DDX1: variants seen among roughly 807,000 people sequenced by gnomAD.
DDX1 encodes the protein DEAD-box helicase 1, also known as ATP-dependent RNA helicase DDX1.
Under a neutral mutation model 108.7 loss-of-function variants are expected in DDX1, and 28 were observed. The observed-to-expected ratio is 0.26, with a 90% CI of 0.19 to 0.35. The LOEUF (loss-of-function observed/expected upper bound fraction) is 0.35, where lower values mean the gene tolerates loss of function less well. Ranked by LOEUF, DDX1 falls within the 10% of genes least tolerant of loss-of-function variation. The pLI is 1.00. For missense variants in DDX1, 710 were observed against 884.5 expected (o/e 0.80, Z 2.50); for synonymous variants, 295 against 288.9 (o/e 1.02, Z -0.21).
chr2:15,627,028 T>A, intron 19 of DDX1, 26 bp from the exon 20 acceptor site: 1 of 1,508,210 alleles, frequency 6.6e-7, no homozygotes, highest in Non-Finnish European at 9.1e-7. Context: ...TTTCCAAGGT[T>A]AAATGCTTAA....
At chr2:15,613,991 C>T (rs1461688050) in intron 14 of DDX1, among the ~76,000 whole-genome samples, 1 of 152,040 alleles carries the variant, frequency 6.6e-6, no homozygotes, top group Non-Finnish European at 1.5e-5. Flanking sequence ...CACCCGCCAC[C>T]ATGTTGGCTG....
intron 2 of DDX1, 40 bp from the exon 3 acceptor site, chr2:15,595,450 T>G (rs776773411): frequency 6.5e-7 from 1 of 1,546,264 alleles, no homozygotes; most frequent in South Asian, 1.1e-5. Flanking sequence ...GGCGATTTTT[T>G]TCCCCAGTAA....
intron 13 of DDX1, among the ~76,000 whole-genome samples, chr2:15,609,025 T>C (rs1456210865): frequency 3.3e-5 from 5 of 152,230 alleles, no homozygotes; most frequent in Non-Finnish European, 7.3e-5. Context: ...CAATGAAAAT[T>C]AATCTTCCTT....
intron 17 of DDX1, among the ~76,000 whole-genome samples, chr2:15,620,825 A>G (rs1665992525): frequency 6.6e-6 from 1 of 152,142 alleles, no homozygotes. Context: ...TAAATATACA[A>G]TATTTTAGAA....
At position 15,594,108 on chromosome 2, in the gene DDX1, AAG is replaced by A. The variant is rs547136346; in HGVS notation, c.17-1034_17-1033del. On this transcript the variant is annotated intron_variant, in intron 1 of 25. Transcript: ENST00000233084. The stretch of plus-strand genomic sequence containing the variant: ...AACAAAAGAAAAGAAAAAAAAGAAA[AAG>A]AGTTAGGAGAGCCTTCTTTGAAAAT... 3.1e-3 allele frequency among the ~76,000 whole-genome samples: 471 copies of A among 152,044 alleles called. 4 individuals are homozygous for A. Among genetic ancestry groups the A allele is most frequent in the Non-Finnish European group, 4.8e-3 (325 of 67,998 alleles).
chr2:15,628,717 C>T lies in DDX1; in HGVS notation c.1832+7C>T. ...GAGTAGGAAGAGCTGAAAGGTACTT[C>T]TGCAATTTTTTTTCCCCCATTTTTA... On this transcript the variant is annotated splice_region_variant and intron_variant, in intron 22 of 25. Transcript: ENST00000233084. 1 of 1,603,550 alleles carries T rather than the reference C, an allele frequency of 6.2e-7. No individual in the cohort carries two copies. Among genetic ancestry groups the T allele is most frequent in the Non-Finnish European group, 8.5e-7 (1 of 1,178,148 alleles).
chr2:15,602,872 C>G (rs1200140865), intron 7 of DDX1, among the ~76,000 whole-genome samples: 1 of 152,140 alleles, frequency 6.6e-6, no homozygotes, highest in Non-Finnish European at 1.5e-5. Context: ...CACCACCATG[C>G]CTGGCTAATT....
At chr2:15,591,974 T>C in intron 1 of DDX1, 25 bp downstream of exon 1, 1 of 1,400,302 alleles carries the variant, frequency 7.1e-7, no homozygotes, top group Non-Finnish European at 9.3e-7. Context: ...ACTCTGGGGG[T>C]GGTGGGGCGG....
intron 1 of DDX1, 66 bp downstream of exon 1, chr2:15,592,015 C>G (rs1665421309): frequency 1.8e-5 from 24 of 1,315,762 alleles, no homozygotes; most frequent in Non-Finnish European, 2.4e-5. Flanking sequence ...TGGGGCCGCC[C>G]GCGGAGAGCT....
intron 3 of DDX1, among the ~76,000 whole-genome samples, 194 bp from the exon 4 acceptor site, chr2:15,596,540 G>T (rs1441413713): frequency 2.0e-5 from 3 of 152,128 alleles, no homozygotes; most frequent in Non-Finnish European, 2.9e-5. Flanking sequence ...GGGAAGAGAA[G>T]ATTCTTAAGG....
intron 13 of DDX1, among the ~76,000 whole-genome samples, chr2:15,610,786 C>G (rs1258066683): frequency 6.6e-6 from 1 of 152,072 alleles, no homozygotes; most frequent in Non-Finnish European, 1.5e-5. Flanking sequence ...CATTCTCTTT[C>G]GTGACTTTAC....
chr2:15,629,563 T>A (rs757312476), intron 23 of DDX1, 39 bp from the exon 24 acceptor site: 11 of 1,393,954 alleles, frequency 7.9e-6, no homozygotes, highest in Non-Finnish European at 1.0e-6. Context: ...CATGTCTCTA[T>A]CTCCATGCAT....
chr2:15,624,831 A>G (rs577451487), intron 19 of DDX1, among the ~76,000 whole-genome samples: 1 of 152,314 alleles, frequency 6.6e-6, no homozygotes, highest in Non-Finnish European at 1.5e-5. Context: ...GAGCAACTGC[A>G]TACAGTTGTT....
At chr2:15,616,293 G>A (rs147402417) in intron 14 of DDX1, among the ~76,000 whole-genome samples, 1 of 152,114 alleles carries the variant, frequency 6.6e-6, no homozygotes, top group African/African-American at 2.4e-5. Context: ...AACATAACAT[G>A]TTCTTACTCA....
At position 15,623,504 on chromosome 2, in the gene DDX1, A is replaced by T; in HGVS notation, c.1516A>T (p.Met506Leu). The T allele has an allele frequency of 6.2e-7, 1 of 1,613,616 alleles. No individual in the cohort carries two copies. The highest frequency in any genetic ancestry group is 2.2e-5 in the East Asian group (1 of 44,788). Residue 506 changes from methionine (M) to leucine (L), a missense_variant, in exon 19 of 26, where the codon ATG (methionine) becomes TTG (leucine). By Grantham distance (15) the Met-to-Leu change is conservative. This residue lies in a region of DDX1 where 661 missense variants were observed against 810.2 expected (regional missense o/e 0.82). Transcript: ENST00000233084. ...YAVRAIKEHKMDQAIIFCRTK... is the reference protein window; with the variant it reads ...YAVRAIKEHKLDQAIIFCRTK... ...TGTCCGGGCAATCAAGGAACATAAG[A>T]TGGATCAAGCAATTATCTTCTGTAG...
rs945373481 is a variant in DDX1, at chr2:15,602,838, C to T, written c.391+207C>T. Among the ~76,000 whole-genome samples, 4 of 152,110 alleles carry T rather than the reference C, an allele frequency of 2.6e-5. No homozygotes were observed. In the East Asian group the frequency reaches 7.7e-4, roughly 29 times the overall value. ...AAGCAATTCTCCTACCGCAGCTTCC[C>T]GAGTAGCTGGGATTACAGGCGCCCA... On this transcript the variant is annotated intron_variant, in intron 7 of 25. Transcript: ENST00000233084.
Position 15,621,118 on chromosome 2 carries a change from T to G in DDX1, c.1447+2T>G. On this transcript the variant is annotated splice_donor_variant, in intron 18 of 25. Coordinates refer to ENST00000233084, the MANE Select transcript of DDX1 (RefSeq NM_004939.3). LOFTEE classifies it high-confidence loss of function. Reference sequence around the variant, plus strand: ...CAAGACCTGGTGCTAATAGTCCAGGTGAGTTAAAAGAGTCAAATGTGTTGA... The same window carrying G: ...CAAGACCTGGTGCTAATAGTCCAGGGGAGTTAAAAGAGTCAAATGTGTTGA... 2 of 1,603,062 alleles carry G rather than the reference T, an allele frequency of 1.2e-6. No homozygotes were observed. Among genetic ancestry groups the G allele is most frequent in the Non-Finnish European group, 1.7e-6 (2 of 1,171,672 alleles).
chr2:15,592,084 C>G (rs958894462), intron 1 of DDX1, 135 bp downstream of exon 1: 1 of 822,378 alleles, frequency 1.2e-6, no homozygotes, highest in Admixed American at 4.3e-5. Context: ...GCTGCAGTCC[C>G]TGATGGACCC....
At chr2:15,606,581 G>A (rs1038881682) in intron 12 of DDX1, among the ~76,000 whole-genome samples, 21 of 152,202 alleles carry the variant, frequency 1.4e-4, no homozygotes, top group African/African-American at 5.1e-4. Context: ...AACCCTATAA[G>A]GTAGTAGTTT....
Sources: gnomAD v4.1 joint callset for allele counts (sites outside exome capture counted in the v4.1 genomes callset) on GRCh38, gnomAD v4.1.1 for gene constraint, gnomAD v4.1.1 regional missense constraint, MANE v1.5 for transcripts, NCBI Gene and HGNC (gene_info 2026-07-23, HGNC 2026-07-21) for gene names.